The following REPS2 variants were observed in gnomAD, a reference collection of about 807,000 sequenced individuals.
REPS2 encodes RALBP1 associated Eps domain containing 2, also known as ralBP1-associated Eps domain-containing protein 2.
Under a neutral mutation model 53.6 loss-of-function variants are expected in REPS2, and 23 were observed. The observed-to-expected ratio is 0.43, with a 90% CI of 0.31 to 0.61. The LOEUF is 0.61. Ranked by LOEUF, REPS2 falls within the 20% of genes least tolerant of loss-of-function variation. The pLI, the probability that REPS2 is intolerant of heterozygous loss-of-function variation, is 0.11. For missense variants in REPS2, 446 were observed against 534.9 expected (o/e 0.83, Z 1.64); for synonymous variants, 238 against 218.6 (o/e 1.09, Z -0.78).
rs2062333718 is a variant in REPS2 at position 17,073,277 on chromosome X, A to G, written c.1334-837A>G. 3.6e-5 allele frequency among the ~76,000 whole-genome samples: 4 copies of G among 112,418 alleles called. No individual in the cohort carries two copies. In the Middle Eastern group the frequency reaches 0.018, roughly 516 times the overall value. Reference sequence around the variant, plus strand: ...GTTCTGTGTTACTAGCACCTTTTCTATGATTTTTTATGACATTTTATGATG... The same window carrying G: ...GTTCTGTGTTACTAGCACCTTTTCTGTGATTTTTTATGACATTTTATGATG... On this transcript the variant is annotated intron_variant, in intron 11 of 17. Transcript: ENST00000357277.
Position 16,946,693 on chromosome X carries a change from G to C in REPS2, c.-169G>C. ...CCCGGGGGTGGGGCCGGCGCGCGCC[G>C]GGAGGAAGCGGCCGCGCGGCAGCTG... is the stretch of plus-strand genomic sequence containing the variant. On this transcript the variant is annotated 5_prime_UTR_variant, in exon 1 of 18. Transcript: ENST00000357277. 5 of 477,179 alleles carry C rather than the reference G, an allele frequency of 1.0e-5. No individual in the cohort carries two copies. Among genetic ancestry groups the C allele is most frequent in the Non-Finnish European group, 1.3e-5 (5 of 388,105 alleles). The allele number at this position is 477,179 out of a possible 1,213,427, so 39.3% of individuals were successfully genotyped here. A position where few individuals can be genotyped will look rare whatever the true frequency, so the allele number is the denominator to read the frequency against.
intron 15 of REPS2, 57 bp from the exon 16 acceptor site, chrX:17,135,204 T>A: frequency 1.8e-6 from 2 of 1,124,518 alleles, no homozygotes; most frequent in Non-Finnish European, 2.4e-6. Flanking sequence ...GAAGGAAGAG[T>A]GGAGGGAACA....
At chrX:17,125,121 G>A (rs2063191666) in intron 14 of REPS2, among the ~76,000 whole-genome samples, 1 of 110,751 alleles carries the variant, frequency 9.0e-6, no homozygotes, top group Non-Finnish European at 1.9e-5. Flanking sequence ...CCAAAGTGCT[G>A]GGATTACTAG....
At chrX:16,958,559 G>A (rs890919567) in intron 1 of REPS2, among the ~76,000 whole-genome samples, 2 of 111,951 alleles carry the variant, frequency 1.8e-5, no homozygotes, top group Non-Finnish European at 3.8e-5. Flanking sequence ...AGGGAATGTC[G>A]TTGCTGGAGC....
intron 13 of REPS2, among the ~76,000 whole-genome samples, chrX:17,079,626 G>A (rs750363245): frequency 8.9e-6 from 1 of 112,055 alleles, no homozygotes; most frequent in African/African-American, 3.2e-5. Flanking sequence ...ATGCCCTGAC[G>A]ATCTCCCTTG....
chrX:17,187,395 C>T, the REPS2 span, among the ~76,000 whole-genome samples: 7 of 111,874 alleles, frequency 6.3e-5, no homozygotes, highest in Non-Finnish European at 9.4e-5. Flanking sequence ...TCCTTAGAAG[C>T]TCCTGAGAAA....
intron 14 of REPS2, among the ~76,000 whole-genome samples, chrX:17,109,388 C>T (rs1251909244): frequency 1.8e-5 from 2 of 110,958 alleles, no homozygotes; most frequent in Non-Finnish European, 3.8e-5. Flanking sequence ...AGTTGAGAAG[C>T]ACTGAATTAG....
rs148183905 is a variant in REPS2 at position 17,079,907 on chromosome X, G to A, written c.1516+2500G>A. On this transcript the variant is annotated intron_variant, in intron 13 of 17. Transcript: ENST00000357277. ...AAATTATATAAAATTTTAGTGTATT[G>A]CATATTGCTAGAAATTATCGAAATG... 5.8e-3 allele frequency among the ~76,000 whole-genome samples: 654 copies of A among 112,234 alleles called. 2 individuals carry two copies. The highest frequency in any genetic ancestry group is 0.01 in the Non-Finnish European group (535 of 53,199).
At chrX:17,066,619 A>G (rs1375673262) in intron 9 of REPS2, among the ~76,000 whole-genome samples, 1 of 112,394 alleles carries the variant, frequency 8.9e-6, no homozygotes, top group Non-Finnish European at 1.9e-5. Flanking sequence ...TAATGAGTAA[A>G]TCCCAGCACT....
chrX:17,158,812 C>T, the REPS2 span, among the ~76,000 whole-genome samples: 1 of 112,003 alleles, frequency 8.9e-6, no homozygotes, highest in Non-Finnish European at 1.9e-5. Flanking sequence ...GTCTGCAAGC[C>T]AGGTTGGGCC....
chrX:17,100,741 C>T (rs753806381), intron 13 of REPS2, among the ~76,000 whole-genome samples: 39 of 111,819 alleles, frequency 3.5e-4, no homozygotes, highest in African/African-American at 1.1e-3. Context: ...AAATAAAAAA[C>T]GTGGCAAAGG....
At chrX:17,154,213 C>T (rs2063594055), downstream of REPS2, among the ~76,000 whole-genome samples, 1 of 112,181 alleles carries the variant, frequency 8.9e-6, no homozygotes, top group Non-Finnish European at 1.9e-5. Flanking sequence ...TCCAGAGTCT[C>T]AGCTGATTCA....
At chrX:17,062,106 T>C in intron 8 of REPS2, among the ~76,000 whole-genome samples, 1 of 112,534 alleles carries the variant, frequency 8.9e-6, no homozygotes, top group Non-Finnish European at 1.9e-5. Flanking sequence ...TGTGGAAAAT[T>C]ACTATGCTAT....
chrX:17,120,680 G>A (rs1177515111), intron 14 of REPS2, among the ~76,000 whole-genome samples: 1 of 111,564 alleles, frequency 9.0e-6, no homozygotes, highest in Non-Finnish European at 1.9e-5. Context: ...TAAAGCACTT[G>A]CAGTCAAAGC....
intron 3 of REPS2, among the ~76,000 whole-genome samples, chrX:17,022,984 G>A (rs1041752124): frequency 1.8e-5 from 2 of 112,153 alleles, no homozygotes; most frequent in African/African-American, 6.5e-5. Flanking sequence ...AGAAGAGTGG[G>A]CAGATCCAGA....
At chrX:17,161,892 G>T in the REPS2 span, among the ~76,000 whole-genome samples, 16 of 112,041 alleles carry the variant, frequency 1.4e-4, no homozygotes, top group Non-Finnish European at 2.6e-4. Flanking sequence ...AGCATTCATG[G>T]TTTTTATGAA....
At chrX:17,093,190 ATATATATAT>A (rs2062644982) in intron 13 of REPS2, among the ~76,000 whole-genome samples, 2 of 13,906 alleles carry the variant, frequency 1.4e-4, no homozygotes, top group South Asian at 9.0e-3. Flanking sequence ...ATATATATAT[ATATATATAT>A]AATTTTTTTT....
chrX:17,052,589 G>C (rs756616104), intron 7 of REPS2, 144 bp downstream of exon 7: 6 of 401,375 alleles, frequency 1.5e-5, no homozygotes, highest in Non-Finnish European at 2.1e-5. Flanking sequence ...GATTTTTGTT[G>C]CTGTGAAAAT....
At chrX:17,129,024 A>G (rs2063256896) in intron 14 of REPS2, among the ~76,000 whole-genome samples, 1 of 111,939 alleles carries the variant, frequency 8.9e-6, no homozygotes. Flanking sequence ...ATTGTAATCC[A>G]TATATCTGTT....
Sources: gnomAD v4.1 joint callset for allele counts (sites outside exome capture counted in the v4.1 genomes callset) on GRCh38, gnomAD v4.1.1 for gene constraint, MANE v1.5 for transcripts, NCBI Gene and HGNC (gene_info 2026-07-23, HGNC 2026-07-21) for gene names.